Variants in TUSC3 observed in about 807,000 individuals in gnomAD.
TUSC3 encodes the protein tumor suppressor candidate 3, also known as dolichyl-diphosphooligosaccharide--protein glycosyltransferase subunit TUSC3.
In TUSC3, 45 loss-of-function variants were observed where a neutral mutation model predicts 44.8. The ratio of observed to expected loss-of-function variants is 1.00; its 90% CI spans 0.79 to 1.29. The LOEUF (loss-of-function observed/expected upper bound fraction) is 1.29, where lower values mean the gene tolerates loss of function less well. Ranked by LOEUF, TUSC3 falls within the 50% of genes most tolerant of loss-of-function variation. The pLI is 0.00. For missense variants in TUSC3, 519 were observed against 437.9 expected (o/e 1.19, Z -1.65); for synonymous variants, 212 against 152.9 (o/e 1.39, Z -2.85).
At chr8:15,707,329 A>G (rs1809658684) in intron 6 of TUSC3, among the ~76,000 whole-genome samples, 1 of 152,024 alleles carries the variant, frequency 6.6e-6, no homozygotes, top group South Asian at 2.1e-4. Flanking sequence ...TGCAATAAGC[A>G]TTGTAATAAG....
At chr8:15,767,820 C>T (rs1233588573), downstream of TUSC3, among the ~76,000 whole-genome samples, 1 of 152,132 alleles carries the variant, frequency 6.6e-6, no homozygotes, top group Non-Finnish European at 1.5e-5. Context: ...GAAGCCACTG[C>T]TGCCTGGAGA....
the TUSC3 span, among the ~76,000 whole-genome samples, chr8:15,836,424 C>T: frequency 1.3e-5 from 2 of 150,144 alleles, no homozygotes; most frequent in African/African-American, 4.9e-5. Flanking sequence ...TTGCAGTGAG[C>T]TGGGATCACA....
chr8:15,568,217 T>G (rs1300388697), intron 1 of TUSC3, among the ~76,000 whole-genome samples: 1 of 152,146 alleles, frequency 6.6e-6, no homozygotes, highest in Non-Finnish European at 1.5e-5. Context: ...AAGTGTGGTG[T>G]GCAGATGCTA....
chr8:15,650,287 TA>T (rs1806832400), intron 2 of TUSC3, among the ~76,000 whole-genome samples: 1 of 152,222 alleles, frequency 6.6e-6, no homozygotes, highest in Non-Finnish European at 1.5e-5. Flanking sequence ...TGCATTTTAC[TA>T]AACATTATTG....
chr8:15,843,455 A>G, the TUSC3 span, among the ~76,000 whole-genome samples: 9 of 152,160 alleles, frequency 5.9e-5, 1 homozygote, highest in East Asian at 7.7e-4. Flanking sequence ...AGAAAAACTT[A>G]AAGAGATGAA....
chr8:15,569,106 T>C (rs1322432593), intron 1 of TUSC3, among the ~76,000 whole-genome samples: 1 of 152,176 alleles, frequency 6.6e-6, no homozygotes, highest in Non-Finnish European at 1.5e-5. Flanking sequence ...AGTAACAGTT[T>C]CCTTTATTAC....
At position 15,530,609 on chromosome 8, in the gene TUSC3, A is replaced by G. The variant is rs1185086622; in HGVS notation, n.189+47126A>G. On this transcript the variant is annotated intron_variant and non_coding_transcript_variant, in intron 2 of 5. Coordinates refer to the TUSC3 transcript ENST00000503191. Reference sequence around the variant, plus strand: ...GCTCATGCTTCTAAACAGTCTAATGATTAGAGTAGGGATTAAAAAGACAAG... The same window carrying G: ...GCTCATGCTTCTAAACAGTCTAATGGTTAGAGTAGGGATTAAAAAGACAAG... Among the ~76,000 whole-genome samples the G allele has an allele frequency of 6.6e-5, 10 of 152,298 alleles. No individual in the cohort carries two copies. In the East Asian group the frequency reaches 1.2e-3, roughly 18 times the overall value.
the TUSC3 span, among the ~76,000 whole-genome samples, chr8:15,805,718 C>G: frequency 3.9e-5 from 6 of 152,024 alleles, no homozygotes; most frequent in Admixed American, 6.6e-5. Context: ...CTACTGGATT[C>G]AGTTTGCTAG....
chr8:15,733,013 G>C (rs1042317326), intron 7 of TUSC3, among the ~76,000 whole-genome samples: 5 of 152,114 alleles, frequency 3.3e-5, no homozygotes, highest in Non-Finnish European at 7.4e-5. Flanking sequence ...TTTGGCTCTA[G>C]TTTGTCTCAT....
Position 15,583,386 on chromosome 8 carries a change from T to C in TUSC3, c.139-39694T>C, listed in dbSNP as rs146832875. ...AAGCTAGAGCTAGCGCAGAGAAGAT[T>C]GACGGTGATGGTAAAAGTGAAAATC... On this transcript the variant is annotated intron_variant, in intron 1 of 10. Transcript: ENST00000503731. Among the ~76,000 whole-genome samples, 5 of 152,286 alleles carry C rather than the reference T, an allele frequency of 3.3e-5. No homozygotes were observed. The East Asian group carries it at 7.7e-4, about 24-fold the overall frequency.
chr8:15,622,127 TAAATGGCACA>T (rs894859852), intron 1 of TUSC3, among the ~76,000 whole-genome samples: 3 of 152,136 alleles, frequency 2.0e-5, no homozygotes, highest in African/African-American at 7.2e-5. Context: ...AGAGCTTGGT[TAAATGGCACA>T]TTTCAAGCCT....
intron 9 of TUSC3, among the ~76,000 whole-genome samples, chr8:15,754,793 A>T (rs1216676110): frequency 4.7e-5 from 7 of 150,096 alleles, no homozygotes; most frequent in African/African-American, 1.7e-4. Context: ...CTTTAAACTA[A>T]TTTTTTTTAC....
At chr8:15,486,830 T>C (rs1255840731) in intron 2 of TUSC3, among the ~76,000 whole-genome samples, 2 of 152,246 alleles carry the variant, frequency 1.3e-5, no homozygotes, top group African/African-American at 4.8e-5. Flanking sequence ...TCATTGAAGC[T>C]AGTAGCACTG....
At chr8:15,582,956 C>G (rs926927041) in intron 1 of TUSC3, among the ~76,000 whole-genome samples, 1 of 152,180 alleles carries the variant, frequency 6.6e-6, no homozygotes, top group Non-Finnish European at 1.5e-5. Flanking sequence ...GCAATTCTTG[C>G]TTCCCAAATC....
chr8:15,527,366 G>A (rs142429101), intron 2 of TUSC3, among the ~76,000 whole-genome samples: 5,838 of 151,870 alleles, frequency 0.038, 139 homozygotes, highest in East Asian at 0.071. Context: ...ACAGGTGCCC[G>A]GCACCACACC....
upstream of TUSC3, among the ~76,000 whole-genome samples, chr8:15,537,470 TG>T: frequency 6.6e-6 from 1 of 152,316 alleles, no homozygotes. Flanking sequence ...GCTGTGTCAC[TG>T]GCCAAGGTCA....
At chr8:15,674,237 G>A (rs749898053) in intron 6 of TUSC3, among the ~76,000 whole-genome samples, 4 of 151,870 alleles carry the variant, frequency 2.6e-5, no homozygotes, top group Admixed American at 6.6e-5. Context: ...TTAAGAACCC[G>A]GGTGGTCATT....
chr8:15,484,440 G>T (rs959276669), intron 2 of TUSC3, among the ~76,000 whole-genome samples: 3 of 152,148 alleles, frequency 2.0e-5, no homozygotes, highest in African/African-American at 4.8e-5. Context: ...AAACGCTTTT[G>T]TTTTCTTTAC....
Position 15,704,853 on chromosome 8 carries a change from A to C in TUSC3, c.799-25813A>C, listed in dbSNP as rs558039294. Among the ~76,000 whole-genome samples, 6 of 152,134 alleles carry C rather than the reference A, an allele frequency of 3.9e-5. No individual in the cohort carries two copies. The South Asian group carries it at 1.0e-3, about 26-fold the overall frequency. ...TGATTTTTTAGATAAACTGGGAATC[A>C]AAAGGGTTAAGTGATTTGCCCAAAA... On this transcript the variant is annotated intron_variant, in intron 6 of 10. Coordinates refer to ENST00000503731, the MANE Select transcript of TUSC3 (RefSeq NM_006765.4).
Sources: gnomAD v4.1 joint callset for allele counts (sites outside exome capture counted in the v4.1 genomes callset) on GRCh38, gnomAD v4.1.1 for gene constraint, MANE v1.5 for transcripts, NCBI Gene and HGNC (gene_info 2026-07-23, HGNC 2026-07-21) for gene names.